The following CELF2 variants were observed in gnomAD, a reference collection of about 807,000 sequenced individuals.
CELF2 encodes the protein CUG triplet repeat RNA-binding protein 2.
In CELF2, 8 loss-of-function variants were observed where a neutral mutation model predicts 62.6. The ratio of observed to expected loss-of-function variants is 0.13; its 90% CI spans 0.07 to 0.23. CELF2 has a LOEUF of 0.23. Among genes scored for constraint, CELF2 ranks in the 10% least tolerant of loss-of-function variants. CELF2 has a pLI of 1.00. For missense variants in CELF2, 333 were observed against 671.0 expected, an observed-to-expected ratio of 0.50 and a Z score of 5.56; for synonymous variants, 258 against 250.0, an observed-to-expected ratio of 1.03 and a Z score of -0.30.
chr10:10,780,335 G>A, the CELF2 span, among the ~76,000 whole-genome samples: 1 of 151,992 alleles, frequency 6.6e-6, no homozygotes, highest in South Asian at 2.1e-4. Flanking sequence ...ACTTACCCTA[G>A]GCATTTTAAA....
intron 2 of CELF2, among the ~76,000 whole-genome samples, chr10:10,960,864 C>A (rs1025276222): frequency 6.6e-6 from 1 of 152,186 alleles, no homozygotes; most frequent in African/African-American, 2.4e-5. Flanking sequence ...CATTTCAACA[C>A]AATAGGCACA....
At chr10:11,210,977 G>A (rs2061645109) in intron 2 of CELF2, among the ~76,000 whole-genome samples, 1 of 152,144 alleles carries the variant, frequency 6.6e-6, no homozygotes, top group Admixed American at 6.5e-5. Flanking sequence ...AAACATGAAA[G>A]TAATTTTTAA....
chr10:10,532,836 AG>A, the CELF2 span, among the ~76,000 whole-genome samples: 1 of 149,772 alleles, frequency 6.7e-6, no homozygotes, highest in Admixed American at 6.6e-5. Context: ...ATGATACAAG[AG>A]AAAAAAAATT....
chr10:10,742,040 C>T, the CELF2 span, among the ~76,000 whole-genome samples: 22 of 152,144 alleles, frequency 1.4e-4, no homozygotes, highest in African/African-American at 5.1e-4. Flanking sequence ...TTATCTAATA[C>T]TACCATTATT....
rs750450580 is a variant in CELF2 at position 11,329,855 on chromosome 10, CATAA to C, written c.*808_*811del. 6.6e-6 allele frequency: 1 copy of C among 151,876 alleles called. No homozygotes were observed. The allele number at this position is 151,876 out of a possible 1,614,324, so 9.4% of individuals were successfully genotyped here. A position where few individuals can be genotyped will look rare whatever the true frequency, so the allele number is the denominator to read the frequency against. Reference sequence around the variant, plus strand: ...ATAATAATAAATAAATACATAAATACATAAATAAAAAAGAAAGCCACAGGCCTGT... The same window carrying C: ...ATAATAATAAATAAATACATAAATACATAAAAAAGAAAGCCACAGGCCTGT... On this transcript the variant is annotated 3_prime_UTR_variant, in exon 13 of 13. Transcript: ENST00000633077. The surrounding 1 kb of genome is among the most constrained non-coding windows in gnomAD (Gnocchi z 5.5).
chr10:11,125,980 G>A (rs1237332116), intron 1 of CELF2, among the ~76,000 whole-genome samples: 1 of 152,178 alleles, frequency 6.6e-6, no homozygotes, highest in African/African-American at 2.4e-5. Context: ...AATTTTTAGT[G>A]TATTTCCTCA....
At chr10:10,506,670 ATTTTTTTTTTT>A in the CELF2 span, among the ~76,000 whole-genome samples, 5 of 64,574 alleles carry the variant, frequency 7.7e-5, no homozygotes, top group African/African-American at 1.7e-4. Context: ...CCTCCTGTGA[ATTTTTTTTTTT>A]TTTTTTTTTT....
chr10:10,832,274 A>AT (rs1554847838), intron 1 of CELF2, among the ~76,000 whole-genome samples: 33 of 33,712 alleles, frequency 9.8e-4, no homozygotes, highest in Middle Eastern at 0.023. Flanking sequence ...TCTAAAAAAA[A>AT]AAAATAAAAA....
rs1361373162 is a variant in CELF2, at chr10:11,329,770, A to T, written c.*717A>T. 1 of 152,212 alleles carries T rather than the reference A, an allele frequency of 6.6e-6. No homozygotes were observed. Among genetic ancestry groups the T allele is most frequent in the East Asian group, 1.9e-4 (1 of 5,208 alleles). 9.4% of individuals were successfully genotyped at this position (152,212 alleles called of 1,614,324 possible). On this transcript the variant is annotated 3_prime_UTR_variant, in exon 13 of 13. Transcript: ENST00000633077. The surrounding 1 kb of genome is among the most constrained non-coding windows in gnomAD (Gnocchi z 5.5). ...ATTTAGAGATCTGTTTCTTAAAGCTACAGGGTTTAAAAAATAAAAATGAGT... is the reference window on the plus strand; with the variant it reads ...ATTTAGAGATCTGTTTCTTAAAGCTTCAGGGTTTAAAAAATAAAAATGAGT...
chr10:11,134,277 G>A (rs940658199), intron 1 of CELF2, among the ~76,000 whole-genome samples: 13 of 152,290 alleles, frequency 8.5e-5, no homozygotes, highest in South Asian at 8.3e-4. Context: ...GCCTCTCCCC[G>A]TGTTTTGTGA....
chr10:10,784,761 C>T, the CELF2 span: 8 of 152,342 alleles, frequency 5.3e-5, no homozygotes, highest in African/African-American at 1.9e-4. Flanking sequence ...AACAGGAATA[C>T]CTGTTCCCAT....
rs1303157138 is a variant in CELF2 at position 10,927,353 on chromosome 10, A to AAAAAACAAAAAAC, written c.89+7359_89+7360insCAAAAAACAAAAA. ...AGGAGAACCTAGTGACATTAAAAAAAAAAAAAAAAAAAACACCTTTTTCTG... is the reference window on the plus strand; with the variant it reads ...AGGAGAACCTAGTGACATTAAAAAAAAAAAACAAAAAACAAAAAAAAAAAAACACCTTTTTCTG... On this transcript the variant is annotated intron_variant, in intron 2 of 13. Transcript: ENST00000636488. 4.4e-3 allele frequency: 600 copies of AAAAAACAAAAAAC among 135,662 alleles called. 17 individuals carry two copies. The highest frequency in any genetic ancestry group is 0.014 in the African/African-American group (563 of 39,398). The allele number at this position is 135,662 out of a possible 1,614,324, so 8.4% of individuals were successfully genotyped here. A position where few individuals can be genotyped will look rare whatever the true frequency, so the allele number is the denominator to read the frequency against.
chr10:11,202,449 G>C (rs749486122), intron 2 of CELF2, among the ~76,000 whole-genome samples: 7 of 152,228 alleles, frequency 4.6e-5, no homozygotes, highest in Non-Finnish European at 8.8e-5. Context: ...TGGAGTATCT[G>C]TGGGGTGAGC....
At chr10:10,505,816 A>G in the CELF2 span, among the ~76,000 whole-genome samples, 600 of 152,300 alleles carry the variant, frequency 3.9e-3, 1 homozygote, top group Non-Finnish European at 5.0e-3. Context: ...TAGGGTAAAG[A>G]GAATAAACTT....
chr10:10,656,798 C>T, the CELF2 span, among the ~76,000 whole-genome samples: 2 of 143,416 alleles, frequency 1.4e-5, no homozygotes, highest in South Asian at 2.5e-4. Flanking sequence ...GTGCAGCGCA[C>T]CAGCATGGCA....
the CELF2 span, among the ~76,000 whole-genome samples, chr10:10,483,696 C>T: frequency 8.7e-4 from 133 of 152,272 alleles, no homozygotes; most frequent in Non-Finnish European, 1.6e-3. Context: ...AACTTTCTGT[C>T]TACCAGGCTG....
chr10:10,795,843 G>T (rs989971984), upstream of CELF2, among the ~76,000 whole-genome samples: 1 of 152,046 alleles, frequency 6.6e-6, no homozygotes, highest in Non-Finnish European at 1.5e-5. Flanking sequence ...CTTTTGGGAA[G>T]TGGGTTTCAA....
chr10:10,963,839 C>A (rs1427685680), intron 2 of CELF2, among the ~76,000 whole-genome samples: 1 of 152,110 alleles, frequency 6.6e-6, no homozygotes, highest in East Asian at 1.9e-4. Flanking sequence ...CTAGATGCAG[C>A]AATGGATTCT....
chr10:10,487,259 G>A, the CELF2 span, among the ~76,000 whole-genome samples: 1 of 152,304 alleles, frequency 6.6e-6, no homozygotes, highest in East Asian at 1.9e-4. Flanking sequence ...TTATAGCACA[G>A]TTGTAAAATT....
Sources: gnomAD v4.1 joint callset for allele counts (sites outside exome capture counted in the v4.1 genomes callset) on GRCh38, gnomAD v4.1.1 for gene constraint, Gnocchi (gnomAD v3.1) non-coding constraint, MANE v1.5 for transcripts, NCBI Gene and HGNC (gene_info 2026-07-23, HGNC 2026-07-21) for gene names.